PHACTR1: variants seen among roughly 807,000 people sequenced by gnomAD.
PHACTR1 encodes phosphatase and actin regulator 1.
PHACTR1 carries 16 observed loss-of-function variants against 69.2 expected under a neutral mutation model. The observed-to-expected ratio is 0.23, with a 90% CI of 0.16 to 0.35. PHACTR1 has a LOEUF of 0.35. Ranked by LOEUF, PHACTR1 falls within the 10% of genes least tolerant of loss-of-function variation. The pLI, the probability that PHACTR1 is intolerant of heterozygous loss-of-function variation, is 1.00. For synonymous variants in PHACTR1, 312 were observed against 284.5 expected, an observed-to-expected ratio of 1.10 and a Z score of -0.97; for missense variants, 510 against 734.7, an observed-to-expected ratio of 0.69 and a Z score of 3.54.
rs148819379 is a variant in PHACTR1 at position 13,104,334 on chromosome 6, C to A, written c.415+50805C>A. Among the ~76,000 whole-genome samples the A allele has an allele frequency of 5.1e-4, 77 of 152,160 alleles. No homozygotes were observed. The Middle Eastern group carries it at 0.014, about 27-fold the overall frequency. ...TATTAAAGCAAATGTTTTATGTAAT[C>A]TGGTGAAATATATACGCAAGATCAT... is the stretch of plus-strand genomic sequence containing the variant. On this transcript the variant is annotated intron_variant, in intron 5 of 14. Coordinates refer to ENST00000332995, the MANE Select transcript of PHACTR1 (RefSeq NM_030948.6).
intron 12 of PHACTR1, chr6:13,280,424 G>A (rs1389353187): frequency 1.9e-5 from 3 of 155,848 alleles, no homozygotes; most frequent in Admixed American, 6.2e-5. Context: ...GCTTTTGCGG[G>A]CAGAGATGTG....
chr6:13,019,975 G>C (rs1425175725), intron 4 of PHACTR1, among the ~76,000 whole-genome samples: 1 of 152,210 alleles, frequency 6.6e-6, no homozygotes, highest in Admixed American at 6.5e-5. Context: ...GATGTTCAAT[G>C]TGGTACTGCT....
At chr6:13,032,837 A>C (rs940186897) in intron 4 of PHACTR1, among the ~76,000 whole-genome samples, 1 of 152,122 alleles carries the variant, frequency 6.6e-6, no homozygotes. Context: ...TTGAACTCAC[A>C]CAATCCACTC....
chr6:13,090,298 G>C (rs563584308), intron 5 of PHACTR1, among the ~76,000 whole-genome samples: 15 of 150,396 alleles, frequency 1.0e-4, no homozygotes, highest in African/African-American at 3.7e-4. Flanking sequence ...CACCTGCCTC[G>C]GCCTCCCAAA....
intron 4 of PHACTR1, among the ~76,000 whole-genome samples, chr6:12,966,140 G>A (rs1793457196): frequency 6.6e-6 from 1 of 152,124 alleles, no homozygotes; most frequent in African/African-American, 2.4e-5. Flanking sequence ...ATGGAAGGTT[G>A]AGTCTGGAGG....
intron 5 of PHACTR1, among the ~76,000 whole-genome samples, chr6:13,081,509 T>C (rs1173184451): frequency 3.3e-5 from 5 of 152,274 alleles, no homozygotes; most frequent in African/African-American, 1.2e-4. Context: ...TTGAAAGCAC[T>C]GTATGATGTT....
At chr6:12,908,628 G>A (rs1453472872) in intron 4 of PHACTR1, among the ~76,000 whole-genome samples, 1 of 152,174 alleles carries the variant, frequency 6.6e-6, no homozygotes. Flanking sequence ...GATAAGAATG[G>A]GGCAGGTGAC....
intron 5 of PHACTR1, among the ~76,000 whole-genome samples, chr6:13,107,209 C>T (rs891946644): frequency 2.0e-5 from 3 of 152,092 alleles, no homozygotes; most frequent in Non-Finnish European, 2.9e-5. Flanking sequence ...CCCTGACCTC[C>T]GAGGTTCAAG....
chr6:13,020,961 C>T (rs1034800776), intron 4 of PHACTR1, among the ~76,000 whole-genome samples: 17 of 152,038 alleles, frequency 1.1e-4, no homozygotes, highest in Admixed American at 6.5e-4. Context: ...TGCTCCATGA[C>T]GGGTTGTAGT....
intron 3 of PHACTR1, among the ~76,000 whole-genome samples, chr6:12,747,073 G>A (rs903041165): frequency 4.6e-5 from 7 of 152,156 alleles, no homozygotes; most frequent in African/African-American, 9.7e-5. Flanking sequence ...ACTCCGCTGC[G>A]CCTCTTGGAA....
intron 4 of PHACTR1, among the ~76,000 whole-genome samples, chr6:12,941,185 G>A (rs190088414): frequency 2.0e-5 from 3 of 152,128 alleles, no homozygotes; most frequent in Admixed American, 6.5e-5. Flanking sequence ...AATACGTTTG[G>A]GTAAACTTTC....
intron 3 of PHACTR1, among the ~76,000 whole-genome samples, chr6:12,735,025 G>A (rs1483416151): frequency 2.0e-5 from 3 of 152,230 alleles, no homozygotes; most frequent in Non-Finnish European, 4.4e-5. Flanking sequence ...CTATCTGACA[G>A]TTTCTGTGGG....
Position 12,830,793 on chromosome 6 carries a change from A to C in PHACTR1, c.250+81003A>C, listed in dbSNP as rs189507983. 7.0e-3 allele frequency among the ~76,000 whole-genome samples: 1,057 copies of C among 151,732 alleles called. 17 individuals carry two copies. Among genetic ancestry groups the C allele is most frequent in the African/African-American group, 0.024 (1,006 of 41,346 alleles). On this transcript the variant is annotated intron_variant, in intron 4 of 14. Coordinates refer to ENST00000332995, the MANE Select transcript of PHACTR1 (RefSeq NM_030948.6). The stretch of plus-strand genomic sequence containing the variant: ...TTTTTTTTAGTAGAAATGGGGTTTC[A>C]TCATGTTGGCCAGGCTGGTCTCGAA...
chr6:12,795,545 G>C (rs780392548), intron 4 of PHACTR1, among the ~76,000 whole-genome samples: 4 of 152,176 alleles, frequency 2.6e-5, no homozygotes, highest in Admixed American at 6.5e-5. Flanking sequence ...TTGGCCATCT[G>C]AAGGTTGGAT....
rs1202227848 is a variant in PHACTR1, at chr6:12,921,553, GAGGA to G, written c.251-131799_251-131796del. Among the ~76,000 whole-genome samples, 176 of 132,016 alleles carry G rather than the reference GAGGA, an allele frequency of 1.3e-3. 1 individual carries two copies. The highest frequency in any genetic ancestry group is 4.7e-3 in the African/African-American group (164 of 34,602). The allele number at this position is 132,016 out of a possible 152,430, so 86.6% of individuals were successfully genotyped here. A position where few individuals can be genotyped will look rare whatever the true frequency, so the allele number is the denominator to read the frequency against. On this transcript the variant is annotated intron_variant, in intron 4 of 14. Coordinates refer to ENST00000332995, the MANE Select transcript of PHACTR1 (RefSeq NM_030948.6). ...GGGAGGGAGGAGGGAAAGGAGGAAG[GAGGA>G]AGGAAGGAAGGAGGGAAGGAAGGAG...
At chr6:13,164,462 A>G (rs1208315344) in intron 6 of PHACTR1, among the ~76,000 whole-genome samples, 1 of 152,166 alleles carries the variant, frequency 6.6e-6, no homozygotes, top group Non-Finnish European at 1.5e-5. Flanking sequence ...CCAGCGATGC[A>G]TGGACCCTGA....
intron 10 of PHACTR1, among the ~76,000 whole-genome samples, chr6:13,235,679 A>C (rs1771881027): frequency 6.6e-6 from 1 of 152,208 alleles, no homozygotes; most frequent in South Asian, 2.1e-4. Flanking sequence ...ACATCCTATA[A>C]AAAGTCAGTC....
At chr6:13,127,422 T>G (rs769847015) in intron 5 of PHACTR1, among the ~76,000 whole-genome samples, 10 of 151,916 alleles carry the variant, frequency 6.6e-5, no homozygotes, top group Non-Finnish European at 1.2e-4. Flanking sequence ...ACAAAAAAAT[T>G]AGCTGGGTAT....
At chr6:12,895,678 T>G (rs1486369788) in intron 4 of PHACTR1, among the ~76,000 whole-genome samples, 1 of 152,210 alleles carries the variant, frequency 6.6e-6, no homozygotes. Context: ...ACTCCACACC[T>G]TTTATCCAAC....
Sources: gnomAD v4.1 joint callset for allele counts (sites outside exome capture counted in the v4.1 genomes callset) on GRCh38, gnomAD v4.1.1 for gene constraint, MANE v1.5 for transcripts, NCBI Gene and HGNC (gene_info 2026-07-23, HGNC 2026-07-21) for gene names.